The following LNX1 variants were observed in gnomAD, a reference collection of about 807,000 sequenced individuals.
The protein encoded by LNX1 is ligand of numb-protein X 1, also known as E3 ubiquitin-protein ligase LNX.
A neutral mutation model predicts 68.4 loss-of-function variants in LNX1; 54 were observed. That is an observed-to-expected ratio of 0.79 (90% CI 0.63 to 0.99). LNX1 has a LOEUF of 0.99. Among genes scored for constraint, LNX1 ranks in the 50% least tolerant of loss-of-function variants. The pLI, the probability that LNX1 is intolerant of heterozygous loss-of-function variation, is 0.00. For synonymous variants in LNX1, 336 were observed against 350.0 expected, an observed-to-expected ratio of 0.96 and a Z score of 0.45; for missense variants, 906 against 926.4, an observed-to-expected ratio of 0.98 and a Z score of 0.29.
intron 2 of LNX1, among the ~76,000 whole-genome samples, chr4:53,609,300 GAA>G (rs1366066812): frequency 6.6e-6 from 1 of 150,940 alleles, no homozygotes; most frequent in East Asian, 1.9e-4. Context: ...AATCTAAAGA[GAA>G]AAAAGTGTTT....
At chr4:53,477,517 T>C (rs1409681755) in intron 8 of LNX1, among the ~76,000 whole-genome samples, 3 of 152,168 alleles carry the variant, frequency 2.0e-5, no homozygotes, top group Non-Finnish European at 4.4e-5. Flanking sequence ...ATAGCTACTA[T>C]TGGTTAAGCG....
At chr4:53,640,125 A>T (rs1386592989) in intron 1 of LNX1, among the ~76,000 whole-genome samples, 1 of 152,252 alleles carries the variant, frequency 6.6e-6, no homozygotes, top group Non-Finnish European at 1.5e-5. Context: ...AAACAGAAAA[A>T]TAGAATGACA....
chr4:53,557,404 T>C (rs552732551), intron 2 of LNX1, among the ~76,000 whole-genome samples: 1 of 152,304 alleles, frequency 6.6e-6, no homozygotes, highest in East Asian at 1.9e-4. Context: ...AACATGGATA[T>C]ATACATTTTA....
rs1156271577 is a variant in LNX1 at position 53,460,663 on chromosome 4, A to AAAAAT, written c.*239_*243dup. ...GTTTTAGGGCTTTTTATTGAATAGA[A>AAAAAT]AAAATATAAACAATGTTGTAGAGTA... is the stretch of plus-strand genomic sequence containing the variant. On this transcript the variant is annotated 3_prime_UTR_variant, in exon 11 of 11. Coordinates refer to ENST00000263925, the MANE Select transcript of LNX1 (RefSeq NM_001126328.3). 9 of 390,124 alleles carry AAAAAT rather than the reference A, an allele frequency of 2.3e-5. No individual in the cohort carries two copies. The highest frequency in any genetic ancestry group is 3.1e-5 in the Non-Finnish European group (7 of 222,694). The allele number at this position is 390,124 out of a possible 1,614,324, so 24.2% of individuals were successfully genotyped here.
intron 1 of LNX1, among the ~76,000 whole-genome samples, chr4:53,652,016 TGTGTGAGAGA>T (rs1347819653): frequency 6.9e-5 from 8 of 116,004 alleles, no homozygotes; most frequent in South Asian, 3.1e-4. Context: ...TTGATGTGTG[TGTGTGAGAGA>T]GAGAGAGAGA....
intron 6 of LNX1, among the ~76,000 whole-genome samples, chr4:53,485,243 G>T (rs536662068): frequency 6.6e-6 from 1 of 152,310 alleles, no homozygotes; most frequent in East Asian, 1.9e-4. Context: ...TACTGAGCTC[G>T]AATTTGCTCT....
intron 2 of LNX1, chr4:53,524,386 A>T (rs531856242): frequency 1.3e-5 from 2 of 152,196 alleles, no homozygotes; most frequent in African/African-American, 4.8e-5. Context: ...ACCATTTCAC[A>T]CATAGCATCT....
intron 6 of LNX1, among the ~76,000 whole-genome samples, chr4:53,485,569 G>T (rs1724230635): frequency 6.6e-6 from 1 of 152,230 alleles, no homozygotes; most frequent in South Asian, 2.1e-4. Flanking sequence ...TACTTGGAAA[G>T]AAATTCTCTG....
At chr4:53,589,861 G>C (rs1234526416) in intron 1 of LNX1, among the ~76,000 whole-genome samples, 2 of 152,208 alleles carry the variant, frequency 1.3e-5, no homozygotes, top group African/African-American at 4.8e-5. Flanking sequence ...TGGGGGTACA[G>C]TGTCTACAGC....
chr4:53,478,227 C>T (rs1723687925), intron 8 of LNX1, among the ~76,000 whole-genome samples: 1 of 152,102 alleles, frequency 6.6e-6, no homozygotes, highest in Admixed American at 6.5e-5. Flanking sequence ...ATGAATTCCA[C>T]CACCGGATCA....
chr4:53,568,974 C>T (rs1157235367), intron 2 of LNX1, among the ~76,000 whole-genome samples: 15 of 151,420 alleles, frequency 9.9e-5, no homozygotes, highest in Non-Finnish European at 2.1e-4. Context: ...AGGACCTCTT[C>T]AAGGAGAACT....
At chr4:53,596,687 T>C (rs962156345) in intron 2 of LNX1, among the ~76,000 whole-genome samples, 1 of 152,150 alleles carries the variant, frequency 6.6e-6, no homozygotes, top group African/African-American at 2.4e-5. Context: ...CAGTTCCACA[T>C]ACCAGATTTA....
intron 2 of LNX1, among the ~76,000 whole-genome samples, chr4:53,599,023 G>C (rs531940280): frequency 1.3e-5 from 2 of 152,170 alleles, no homozygotes; most frequent in Non-Finnish European, 2.9e-5. Flanking sequence ...ACATGAGACA[G>C]CAGGCCAGAT....
At chr4:53,600,133 G>A (rs1488298839) in intron 2 of LNX1, among the ~76,000 whole-genome samples, 2 of 152,160 alleles carry the variant, frequency 1.3e-5, no homozygotes, top group African/African-American at 4.8e-5. Flanking sequence ...GTGCTCAGTG[G>A]ATAGGAGCAA....
At chr4:53,495,466 G>C (rs1369857357) in intron 6 of LNX1, among the ~76,000 whole-genome samples, 2 of 151,506 alleles carry the variant, frequency 1.3e-5, no homozygotes, top group African/African-American at 4.9e-5. Flanking sequence ...GGGTTTCCAA[G>C]TGCTTTCGAA....
rs528660855 is a variant in LNX1 at position 53,521,117 on chromosome 4, G to A, written c.381-12890C>T. Among the ~76,000 whole-genome samples, 323 of 152,214 alleles carry A rather than the reference G, an allele frequency of 2.1e-3. 1 individual carries two copies. Among genetic ancestry groups the A allele is most frequent in the Non-Finnish European group, 3.1e-3 (212 of 68,016 alleles). ...AAGTGTTTTTAGAATAACTGGAAAG[G>A]GTGGGTTTCATGGTGGTGAGGGTTT... On this transcript the variant is annotated intron_variant, in intron 2 of 10. Transcript: ENST00000263925.
In LNX1 at chr4:53,515,507, GC is replaced by G. The variant is rs200893538; in HGVS notation, c.381-7281del. Among the ~76,000 whole-genome samples, 621 of 146,940 alleles carry G rather than the reference GC, an allele frequency of 4.2e-3. 2 individuals are homozygous for G. The highest frequency in any genetic ancestry group is 6.3e-3 in the Non-Finnish European group (422 of 67,080). Reference sequence around the variant, plus strand: ...CCATTTCCCTGCACTTCAATTTAAGGCCCCCACCCCACCAAAAAAAAAATGA... The same window carrying G: ...CCATTTCCCTGCACTTCAATTTAAGGCCCCACCCCACCAAAAAAAAAATGA... On this transcript the variant is annotated intron_variant, in intron 2 of 10. Transcript: ENST00000263925.
intron 5 of LNX1, 161 bp from the exon 6 acceptor site, chr4:53,496,555 C>A (rs1579411355): frequency 3.5e-6 from 3 of 857,466 alleles, no homozygotes; most frequent in East Asian, 5.4e-5. Flanking sequence ...GCGTTTCTAA[C>A]CCTGTTCTCT....
At chr4:53,533,092 A>C (rs1728128764) in intron 2 of LNX1, among the ~76,000 whole-genome samples, 1 of 152,226 alleles carries the variant, frequency 6.6e-6, no homozygotes, top group African/African-American at 2.4e-5. Flanking sequence ...AACACATGGC[A>C]TAATTGTGTT....
Sources: gnomAD v4.1 joint callset for allele counts (sites outside exome capture counted in the v4.1 genomes callset) on GRCh38, gnomAD v4.1.1 for gene constraint, MANE v1.5 for transcripts, NCBI Gene and HGNC (gene_info 2026-07-23, HGNC 2026-07-21) for gene names.